The following GTF2I variants were observed in gnomAD, a reference collection of about 807,000 sequenced individuals.
The protein encoded by GTF2I is general transcription factor IIi.
A neutral mutation model predicts 67.6 loss-of-function variants in GTF2I; 12 were observed. The observed-to-expected ratio is 0.18, with a 90% CI of 0.11 to 0.29. GTF2I has a LOEUF of 0.29. GTF2I is among the 10% of genes least tolerant of loss of function. The probability of loss-of-function intolerance (pLI) is 1.00; values close to 1 mark genes in which losing one functional copy is unlikely to be tolerated. For missense variants in GTF2I, 271 were observed against 580.1 expected, an observed-to-expected ratio of 0.47 and a Z score of 5.47; for synonymous variants, 149 against 197.0, an observed-to-expected ratio of 0.76 and a Z score of 2.04.
chr7:74,713,740 G>A (rs368195347), intron 9 of GTF2I, among the ~76,000 whole-genome samples: 2 of 152,112 alleles, frequency 1.3e-5, no homozygotes, highest in South Asian at 2.1e-4. Flanking sequence ...GTACTTAGAG[G>A]TCAATTAGTA....
intron 3 of GTF2I, among the ~76,000 whole-genome samples, chr7:74,697,923 C>A (rs1312890420): frequency 7.0e-6 from 1 of 142,678 alleles, no homozygotes; most frequent in Admixed American, 7.1e-5. Flanking sequence ...TGTGTGCCAC[C>A]ATGCCCAGCT....
chr7:74,696,149 T>C (rs1446432635), intron 3 of GTF2I, among the ~76,000 whole-genome samples: 1 of 148,398 alleles, frequency 6.7e-6, no homozygotes, highest in African/African-American at 2.5e-5. Flanking sequence ...ACCTGGCTAA[T>C]TTTTGTATTT....
intron 28 of GTF2I, among the ~76,000 whole-genome samples, 167 bp from the exon 29 acceptor site, chr7:74,752,927 A>G (rs1795902236): frequency 1.4e-5 from 2 of 146,150 alleles, no homozygotes; most frequent in African/African-American, 5.0e-5. Context: ...ATCATTGAGC[A>G]GCGGCTTGTA....
intron 18 of GTF2I, 124 bp downstream of exon 18, chr7:74,736,807 GA>G (rs1554407485): frequency 6.8e-5 from 5 of 73,724 alleles, no homozygotes; most frequent in Non-Finnish European, 1.1e-4. Flanking sequence ...TTAATATTTA[GA>G]TTCACTTAGT....
intron 7 of GTF2I, 26 bp downstream of exon 7, chr7:74,705,244 T>C: frequency 1.4e-6 from 2 of 1,395,408 alleles, no homozygotes; most frequent in African/African-American, 1.4e-5. Context: ...ATTACTGCTG[T>C]TTAACTCCCA....
chr7:74,706,475 A>G, intron 8 of GTF2I, 42 bp downstream of exon 8: 1 of 1,443,214 alleles, frequency 6.9e-7, no homozygotes, highest in Non-Finnish European at 9.8e-7. Context: ...AAATTAAGGA[A>G]GACTTTTCCT....
chr7:74,682,905 A>G (rs1554394470), intron 1 of GTF2I, among the ~76,000 whole-genome samples: 1 of 152,222 alleles, frequency 6.6e-6, no homozygotes, highest in African/African-American at 2.4e-5. Flanking sequence ...TAAAAACCGG[A>G]TAGGTGTTTT....
chr7:74,699,104 A>G lies in GTF2I; in HGVS notation c.373+9A>G, dbSNP rs1554399223. On this transcript the variant is annotated intron_variant, in intron 4 of 34. Transcript: ENST00000573035. Reference sequence around the variant, plus strand: ...TTTCTGCTTTTGCTATGGTAAAAACAATAGATTTAATTTTTCTAAAAGATA... The same window carrying G: ...TTTCTGCTTTTGCTATGGTAAAAACGATAGATTTAATTTTTCTAAAAGATA... 2.1e-6 allele frequency: 3 copies of G among 1,439,466 alleles called. No individual in the cohort carries two copies. Among genetic ancestry groups the G allele is most frequent in the South Asian group, 1.5e-5 (1 of 66,832 alleles). 89.2% of individuals were successfully genotyped at this position (1,439,466 alleles called of 1,614,324 possible). A position where few individuals can be genotyped will look rare whatever the true frequency, so the allele number is the denominator to read the frequency against.
intron 1 of GTF2I, among the ~76,000 whole-genome samples, chr7:74,669,598 C>T (rs1554389883): frequency 6.6e-6 from 1 of 151,696 alleles, no homozygotes; most frequent in African/African-American, 2.4e-5. Flanking sequence ...TGCAGTGGCA[C>T]GATCTCGGCT....
intron 1 of GTF2I, among the ~76,000 whole-genome samples, chr7:74,666,906 G>A (rs1050184888): frequency 3.3e-5 from 5 of 152,056 alleles, no homozygotes; most frequent in Non-Finnish European, 5.9e-5. Context: ...TGTGAAACCG[G>A]CAGGCGGAGC....
At chr7:74,692,813 A>G (rs1183089579) in intron 3 of GTF2I, among the ~76,000 whole-genome samples, 2 of 152,158 alleles carry the variant, frequency 1.3e-5, no homozygotes, top group African/African-American at 4.8e-5. Flanking sequence ...CCCAGGCTAG[A>G]GTGCAATGGT....
At chr7:74,711,350 T>G (rs1791522071) in intron 9 of GTF2I, among the ~76,000 whole-genome samples, 2 of 152,186 alleles carry the variant, frequency 1.3e-5, no homozygotes, top group Non-Finnish European at 2.9e-5. Context: ...GAGCAAAAGT[T>G]GTGGCACAAT....
chr7:74,676,729 T>G (rs1554392495), intron 1 of GTF2I, among the ~76,000 whole-genome samples: 1 of 152,174 alleles, frequency 6.6e-6, no homozygotes, highest in East Asian at 1.9e-4. Context: ...TTTTAGTACT[T>G]AATAATTATA....
At chr7:74,717,929 AG>A (rs1391123636) in intron 11 of GTF2I, among the ~76,000 whole-genome samples, 1 of 152,182 alleles carries the variant, frequency 6.6e-6, no homozygotes, top group Non-Finnish European at 1.5e-5. Context: ...CCCTTTTTAT[AG>A]AAGATTGTGT....
At chr7:74,683,710 G>A (rs1282293070) in intron 1 of GTF2I, among the ~76,000 whole-genome samples, 1 of 152,040 alleles carries the variant, frequency 6.6e-6, no homozygotes, top group South Asian at 2.1e-4. Flanking sequence ...AAAATTACCC[G>A]GGTGTGGTGG....
intron 1 of GTF2I, among the ~76,000 whole-genome samples, chr7:74,682,534 A>C (rs1554394394): frequency 6.6e-6 from 1 of 152,202 alleles, no homozygotes; most frequent in African/African-American, 2.4e-5. Flanking sequence ...GGGTGGGCCA[A>C]GGAACCAAGT....
intron 1 of GTF2I, among the ~76,000 whole-genome samples, chr7:74,660,566 C>T (rs1423036594): frequency 6.6e-6 from 1 of 151,720 alleles, no homozygotes; most frequent in East Asian, 1.9e-4. Context: ...TGCCCTTCCT[C>T]GCAGGGCACC....
chr7:74,731,591 C>G (rs1445114110), intron 14 of GTF2I, among the ~76,000 whole-genome samples: 1 of 147,462 alleles, frequency 6.8e-6, no homozygotes, highest in Non-Finnish European at 1.5e-5. Context: ...CTCTTGTTGC[C>G]TAGTCTGGAG....
chr7:74,679,947 C>T (rs587621998), intron 1 of GTF2I, among the ~76,000 whole-genome samples: 31 of 150,890 alleles, frequency 2.1e-4, no homozygotes, highest in African/African-American at 4.1e-4. Flanking sequence ...TGGGTGGTGG[C>T]GGACACCTGT....
Sources: gnomAD v4.1 joint callset for allele counts (sites outside exome capture counted in the v4.1 genomes callset) on GRCh38, gnomAD v4.1.1 for gene constraint, MANE v1.5 for transcripts, NCBI Gene and HGNC (gene_info 2026-07-23, HGNC 2026-07-21) for gene names.